The following PEG3 variants were observed in gnomAD, a reference collection of about 807,000 sequenced individuals.
The protein encoded by PEG3 is paternally-expressed gene 3 protein.
A neutral mutation model predicts 35.5 loss-of-function variants in PEG3; 23 were observed. That is an observed-to-expected ratio of 0.65 (90% CI 0.47 to 0.92). PEG3 has a LOEUF of 0.92. PEG3 is among the 40% of genes least tolerant of loss of function. The probability of loss-of-function intolerance (pLI) is 0.00; values close to 1 mark genes in which losing one functional copy is unlikely to be tolerated. For synonymous variants in PEG3, 707 were observed against 697.0 expected (o/e 1.01, Z -0.23); for missense variants, 1,960 against 1,985.3 (o/e 0.99, Z 0.24).
rs1277345455 is a variant in PEG3, at chr19:56,813,654, T to C, written c.*21A>G. On this transcript the variant is annotated 3_prime_UTR_variant, in exon 10 of 10. Coordinates refer to ENST00000326441, the MANE Select transcript of PEG3 (RefSeq NM_006210.3). ...AGGGTCAAGTCCTAGGTGAAGGTTT[T>C]CTAACCTTTACCCCATGCCCTCAGC... 6.3e-7 allele frequency: 1 copy of C among 1,598,834 alleles called. No individual in the cohort carries two copies. The highest frequency in any genetic ancestry group is 1.7e-5 in the Admixed American group (1 of 59,196).
In PEG3 at chr19:56,811,725, T is replaced by C. The variant is rs935328465; in HGVS notation, c.*1950A>G. Reference sequence around the variant, plus strand: ...TCACTGCCCCTCAGCTTTCCCGATGTCCGTTCCAACCTCAGTCCTTCCTAT... The same window carrying C: ...TCACTGCCCCTCAGCTTTCCCGATGCCCGTTCCAACCTCAGTCCTTCCTAT... On this transcript the variant is annotated 3_prime_UTR_variant, in exon 10 of 10. Transcript: ENST00000326441. 2 of 985,476 alleles carry C rather than the reference T, an allele frequency of 2.0e-6. No individual in the cohort carries two copies. Among genetic ancestry groups the C allele is most frequent in the African/African-American group, 3.5e-5 (2 of 57,228 alleles). 61.0% of individuals were successfully genotyped at this position (985,476 alleles called of 1,614,324 possible). A position where few individuals can be genotyped will look rare whatever the true frequency, so the allele number is the denominator to read the frequency against.
At chr19:56,839,120 T>C (rs928961923) in intron 1 of PEG3, among the ~76,000 whole-genome samples, 9 of 145,950 alleles carry the variant, frequency 6.2e-5, no homozygotes, top group South Asian at 2.2e-4. Context: ...TCTCAAGCAC[T>C]TTCATTAAAG....
chr19:56,823,030 G>A (rs2060651265), intron 5 of PEG3, among the ~76,000 whole-genome samples, 194 bp from the exon 6 acceptor site: 1 of 152,188 alleles, frequency 6.6e-6, no homozygotes, highest in Admixed American at 6.5e-5. Context: ...GGTTTCTGCA[G>A]GCTTTGCCCA....
chr19:56,835,666 T>A (rs185271668), intron 2 of PEG3, among the ~76,000 whole-genome samples: 12 of 152,244 alleles, frequency 7.9e-5, no homozygotes, highest in Admixed American at 3.3e-4. Context: ...CTTTCCCCCA[T>A]TGGGGCTATG....
At position 56,811,765 on chromosome 19, in the gene PEG3, C is replaced by T; in HGVS notation, c.*1910G>A. 5.1e-6 allele frequency: 5 copies of T among 985,562 alleles called. No homozygotes were observed. Among genetic ancestry groups the T allele is most frequent in the Non-Finnish European group, 6.0e-6 (5 of 830,028 alleles). The allele number at this position is 985,562 out of a possible 1,614,324, so 61.1% of individuals were successfully genotyped here. ...GTCCTTCCTATGCAGCCAGCCCTCA[C>T]CTACACCATACCATCAAAAACTCCT... On this transcript the variant is annotated 3_prime_UTR_variant, in exon 10 of 10. Transcript: ENST00000326441.
chr19:56,821,695 T>C lies in PEG3; in HGVS notation c.625A>G (p.Arg209Gly), dbSNP rs772421388. The C allele has an allele frequency of 6.2e-7, 1 of 1,614,024 alleles. No individual in the cohort carries two copies. Among genetic ancestry groups the C allele is most frequent in the Non-Finnish European group, 8.5e-7 (1 of 1,180,016 alleles). The change falls in exon 7 of 10, where the codon AGA becomes GGA. Residue 209 changes from arginine to glycine, a missense_variant. Coordinates refer to ENST00000326441, the MANE Select transcript of PEG3 (RefSeq NM_006210.3). ...VVAKTSFEMDREDDRDSRAYE... is the reference protein window; with the variant it reads ...VVAKTSFEMDGEDDRDSRAYE... Reference sequence around the variant, plus strand: ...GCCCTGGAGTCCCTGTCGTCCTCTCTGTCCATTTCAAAGCTTGTTTTCGCC... The same window carrying C: ...GCCCTGGAGTCCCTGTCGTCCTCTCCGTCCATTTCAAAGCTTGTTTTCGCC...
chr19:56,813,556 G>T lies in PEG3; in HGVS notation c.*119C>A. The T allele has an allele frequency of 6.9e-7, 1 of 1,453,146 alleles. No homozygotes were observed. Among genetic ancestry groups the T allele is most frequent in the Non-Finnish European group, 9.1e-7 (1 of 1,099,782 alleles). The allele number at this position is 1,453,146 out of a possible 1,614,324, so 90.0% of individuals were successfully genotyped here. On this transcript the variant is annotated 3_prime_UTR_variant, in exon 10 of 10. Transcript: ENST00000326441. ...TCTGAGTTTAGAGATGTTAAGTCAG[G>T]TGTGTAACACACTAAGGTTAAGTCT... is the stretch of plus-strand genomic sequence containing the variant.
chr19:56,835,077 A>G (rs1393626894), intron 2 of PEG3, among the ~76,000 whole-genome samples: 1 of 152,096 alleles, frequency 6.6e-6, no homozygotes, highest in African/African-American at 2.4e-5. Flanking sequence ...CACCTCTCAA[A>G]TAATCTACCC....
At chr19:56,820,952 TC>T (rs1483098199) in intron 7 of PEG3, among the ~76,000 whole-genome samples, 1 of 152,176 alleles carries the variant, frequency 6.6e-6, no homozygotes, top group Non-Finnish European at 1.5e-5. Flanking sequence ...TCCTCCACAC[TC>T]CACCATGTAT....
chr19:56,832,872 G>A (rs2061705792), intron 2 of PEG3, among the ~76,000 whole-genome samples: 2 of 152,188 alleles, frequency 1.3e-5, no homozygotes, highest in Admixed American at 1.3e-4. Context: ...ATTGAAGTCT[G>A]GATGGTGGTA....
chr19:56,831,374 A>C (rs1023095978), intron 2 of PEG3, among the ~76,000 whole-genome samples: 1 of 152,200 alleles, frequency 6.6e-6, no homozygotes, highest in African/African-American at 2.4e-5. Flanking sequence ...GCAAAGGATA[A>C]CTTTAACAAA....
At chr19:56,826,338 A>T (rs1030951346) in intron 3 of PEG3, 50 bp downstream of exon 3, 9 of 152,330 alleles carry the variant, frequency 5.9e-5, no homozygotes, top group African/African-American at 2.2e-4. Context: ...ACCTGAAATG[A>T]TACTAGCCCT....
At position 56,815,231 on chromosome 19, in the gene PEG3, C is replaced by T. The variant is rs772073875; in HGVS notation, c.3211G>A (p.Glu1071Lys). ...TGGGTCTCCTCGCTGTGGGTCTCCTCCCCATCAGTATTCTCGCCTTGAGAC... is the reference window on the plus strand; with the variant it reads ...TGGGTCTCCTCGCTGTGGGTCTCCTTCCCATCAGTATTCTCGCCTTGAGAC... ...EESQGENTDGEETHSEETHGQ... is the reference protein window; with the variant it reads ...EESQGENTDGKETHSEETHGQ... Residue 1071 changes from glutamate to lysine, a missense_variant, in exon 10 of 10, where the codon GAG (glutamate) becomes AAG (lysine). Glu to Lys is a moderately conservative substitution (Grantham distance 56). This residue lies in a region of PEG3 where 798 missense variants were observed against 782.4 expected (regional missense o/e 1.02). Coordinates refer to ENST00000326441, the MANE Select transcript of PEG3 (RefSeq NM_006210.3). 1 of 1,614,104 alleles carries T rather than the reference C, an allele frequency of 6.2e-7. No individual in the cohort carries two copies. The highest frequency in any genetic ancestry group is 2.2e-5 in the East Asian group (1 of 44,880).
At position 56,824,395 on chromosome 19, in the gene PEG3, C is replaced by T; in HGVS notation, c.261G>A (p.Glu87=). Residue 87 remains glutamate, a synonymous_variant, in exon 4 of 10, where the codon GAG becomes GAA. Coordinates refer to ENST00000326441, the MANE Select transcript of PEG3 (RefSeq NM_006210.3). ...TCAGGTACTGCTCAAGGACCAAGAG[C>T]TCGATGATCTCCTCCTTGGTGCGGG... ...PETRTKEEII[E]LLVLEQYLTI... is the part of the protein sequence containing the mutation. The T allele has an allele frequency of 6.2e-7, 1 of 1,614,144 alleles. No individual in the cohort carries two copies. Among genetic ancestry groups the T allele is most frequent in the South Asian group, 1.1e-5 (1 of 91,076 alleles).
chr19:56,822,055 G>C lies in PEG3; in HGVS notation c.566-301C>G, dbSNP rs549242172. Among the ~76,000 whole-genome samples, 3 of 152,178 alleles carry C rather than the reference G, an allele frequency of 2.0e-5. No homozygotes were observed. The South Asian group carries it at 6.2e-4, about 32-fold the overall frequency. ...ACAGTGTCCACTAGCCTCATCCTTCGGGCACAACCTCTGGGTCTCCCCAGC... is the reference window on the plus strand; with the variant it reads ...ACAGTGTCCACTAGCCTCATCCTTCCGGCACAACCTCTGGGTCTCCCCAGC... On this transcript the variant is annotated intron_variant, in intron 6 of 9. Coordinates refer to ENST00000326441, the MANE Select transcript of PEG3 (RefSeq NM_006210.3).
Position 56,818,586 on chromosome 19 carries a change from A to C in PEG3, c.772+14T>G. On this transcript the variant is annotated intron_variant, in intron 8 of 9. Coordinates refer to ENST00000326441, the MANE Select transcript of PEG3 (RefSeq NM_006210.3). Reference sequence around the variant, plus strand: ...TGACTGGACTGGGAGTGACTGAGAGAAGCAGCTGCTTACCGAGGGAGAGCA... The same window carrying C: ...TGACTGGACTGGGAGTGACTGAGAGCAGCAGCTGCTTACCGAGGGAGAGCA... 1.2e-6 allele frequency: 2 copies of C among 1,613,942 alleles called. No homozygotes were observed. The highest frequency in any genetic ancestry group is 1.7e-6 in the Non-Finnish European group (2 of 1,179,900).
chr19:56,814,086 C>T lies in PEG3; in HGVS notation c.4356G>A (p.Glu1452=). ...GGTCTTCAATACCTGCACCATCTGGCTCATCAGCATCCCCATTTGGCTGCT... is the reference window on the plus strand; with the variant it reads ...GGTCTTCAATACCTGCACCATCTGGTTCATCAGCATCCCCATTTGGCTGCT... ...EAEQPNGDAD[E]PDGAGIEDPE... is the part of the protein sequence containing the mutation. Residue 1452 remains glutamate, a synonymous_variant, in exon 10 of 10, where the codon GAG becomes GAA. Transcript: ENST00000326441. The surrounding 1 kb of genome is among the most constrained non-coding windows in gnomAD (Gnocchi z 5.8). 3.7e-6 allele frequency: 6 copies of T among 1,614,182 alleles called. No individual in the cohort carries two copies. Among genetic ancestry groups the T allele is most frequent in the Non-Finnish European group, 5.1e-6 (6 of 1,180,038 alleles).
rs1470176328 is a variant in PEG3, at chr19:56,814,883, G to C, written c.3559C>G (p.Gln1187Glu). The change falls in exon 10 of 10, where the codon CAA (glutamine) becomes GAA (glutamate). Residue 1187 changes from glutamine (Q) to glutamate (E), a missense_variant. By Grantham distance (29) the Gln-to-Glu change is conservative. Transcript: ENST00000326441. The surrounding 1 kb of genome is among the most constrained non-coding windows in gnomAD (Gnocchi z 5.8). ...FLFEHQRIHE[Q>E]DQLYSMKGCD... is the part of the protein sequence containing the mutation. ...CCCTTCATGGAATACAACTGGTCTT[G>C]TTCATGGATTCTCTGATGCTCGAAA... 6.2e-7 allele frequency: 1 copy of C among 1,614,042 alleles called. No homozygotes were observed. Among genetic ancestry groups the C allele is most frequent in the Non-Finnish European group, 8.5e-7 (1 of 1,180,034 alleles).
At position 56,810,507 on chromosome 19, in the gene PEG3, T is replaced by C. The variant is rs1038743534; in HGVS notation, c.*3168A>G. 6 of 984,796 alleles carry C rather than the reference T, an allele frequency of 6.1e-6. No homozygotes were observed. The African/African-American group carries it at 8.7e-5, about 14-fold the overall frequency. The allele number at this position is 984,796 out of a possible 1,614,324, so 61.0% of individuals were successfully genotyped here. A position where few individuals can be genotyped will look rare whatever the true frequency, so the allele number is the denominator to read the frequency against. On this transcript the variant is annotated 3_prime_UTR_variant, in exon 10 of 10. Coordinates refer to ENST00000326441, the MANE Select transcript of PEG3 (RefSeq NM_006210.3). ...TCAAGATGTTAACAGTTAATTGTTG[T>C]TGGGTGTTGGGAATATGTGTGAATT...
Sources: gnomAD v4.1 joint callset for allele counts (sites outside exome capture counted in the v4.1 genomes callset) on GRCh38, gnomAD v4.1.1 for gene constraint, gnomAD v4.1.1 regional missense constraint, Gnocchi (gnomAD v3.1) non-coding constraint, MANE v1.5 for transcripts, NCBI Gene and HGNC (gene_info 2026-07-23, HGNC 2026-07-21) for gene names.